SYNPR: variants seen among roughly 807,000 people sequenced by gnomAD.
SYNPR encodes synaptoporin.
Under a neutral mutation model 32.9 loss-of-function variants are expected in SYNPR, and 23 were observed. The ratio of observed to expected loss-of-function variants is 0.70; its 90% CI spans 0.50 to 0.99. The LOEUF (loss-of-function observed/expected upper bound fraction) is 0.99. Ranked by LOEUF, SYNPR falls within the 50% of genes least tolerant of loss-of-function variation. The pLI, the probability that SYNPR is intolerant of heterozygous loss-of-function variation, is 0.00. For synonymous variants in SYNPR, 146 were observed against 135.9 expected (o/e 1.07, Z -0.52); for missense variants, 318 against 349.3 (o/e 0.91, Z 0.71).
chr3:63,254,289 G>A (rs1435923310), intron 2 of SYNPR, among the ~76,000 whole-genome samples: 2 of 152,060 alleles, frequency 1.3e-5, no homozygotes, highest in African/African-American at 4.8e-5. Context: ...TGTACGTTGT[G>A]CACATGTACC....
At chr3:63,257,358 A>G (rs1360024877) in intron 2 of SYNPR, among the ~76,000 whole-genome samples, 1 of 152,254 alleles carries the variant, frequency 6.6e-6, no homozygotes, top group East Asian at 1.9e-4. Context: ...TACCAGACTA[A>G]CAGCAGATAT....
At chr3:63,426,893 A>G (rs17031729) in intron 2 of SYNPR, 1 of 152,120 alleles carries the variant, frequency 6.6e-6, no homozygotes, top group East Asian at 1.9e-4. Context: ...CAAAGAATTT[A>G]AGTTGCTTTC....
intron 5 of SYNPR, chr3:63,610,594 TCA>T: frequency 1.5e-6 from 1 of 656,374 alleles, no homozygotes; most frequent in Non-Finnish European, 2.8e-6. Context: ...CATTAGGGTC[TCA>T]CAATAATTTT....
intron 2 of SYNPR, among the ~76,000 whole-genome samples, chr3:63,381,782 T>C (rs538816887): frequency 1.3e-5 from 2 of 152,332 alleles, no homozygotes; most frequent in East Asian, 3.9e-4. Context: ...TCTGACTCCC[T>C]CTGTTTATTC....
chr3:63,274,465 T>G (rs2086559289), upstream of SYNPR, among the ~76,000 whole-genome samples: 1 of 152,218 alleles, frequency 6.6e-6, no homozygotes, highest in African/African-American at 2.4e-5. Context: ...TATTGCAGAT[T>G]GGTACTTTGG....
At chr3:63,588,202 A>G (rs1703226145) in intron 4 of SYNPR, among the ~76,000 whole-genome samples, 1 of 152,098 alleles carries the variant, frequency 6.6e-6, no homozygotes, top group South Asian at 2.1e-4. Flanking sequence ...CTTGGAATAC[A>G]CCTTCACAGA....
intron 2 of SYNPR, among the ~76,000 whole-genome samples, chr3:63,257,995 G>A (rs1317694258): frequency 6.6e-6 from 1 of 152,276 alleles, no homozygotes; most frequent in East Asian, 1.9e-4. Flanking sequence ...TAATGGTAAA[G>A]GGATCAATTC....
At chr3:63,467,927 C>T (rs747857725) in intron 2 of SYNPR, among the ~76,000 whole-genome samples, 3 of 152,068 alleles carry the variant, frequency 2.0e-5, no homozygotes, top group Non-Finnish European at 2.9e-5. Context: ...AGGCTGGGCA[C>T]GGTGGCTCAC....
At chr3:63,338,257 A>G (rs2087319313) in intron 2 of SYNPR, among the ~76,000 whole-genome samples, 1 of 152,234 alleles carries the variant, frequency 6.6e-6, no homozygotes, top group Non-Finnish European at 1.5e-5. Flanking sequence ...AACTTTGACC[A>G]CAATGGCTAA....
chr3:63,550,286 C>T (rs1702477669), intron 3 of SYNPR, among the ~76,000 whole-genome samples: 1 of 150,956 alleles, frequency 6.6e-6, no homozygotes, highest in Admixed American at 6.6e-5. Flanking sequence ...CTTATAAGAA[C>T]TTATAAAGTT....
intron 3 of SYNPR, among the ~76,000 whole-genome samples, chr3:63,511,553 C>T (rs1301696619): frequency 2.0e-5 from 3 of 152,108 alleles, no homozygotes; most frequent in African/African-American, 2.4e-5. Context: ...AGAACTAGGA[C>T]GAGCTTGTGC....
At chr3:63,273,740 A>AT (rs2086554312), upstream of SYNPR, among the ~76,000 whole-genome samples, 1 of 152,188 alleles carries the variant, frequency 6.6e-6, no homozygotes, top group Non-Finnish European at 1.5e-5. Context: ...GAATGCTAAG[A>AT]TTTTCATAAG....
intron 3 of SYNPR, among the ~76,000 whole-genome samples, chr3:63,513,290 T>C (rs953103197): frequency 6.6e-6 from 1 of 151,980 alleles, no homozygotes; most frequent in Non-Finnish European, 1.5e-5. Context: ...TGAGGGATTC[T>C]CCCACCTCAG....
intron 3 of SYNPR, among the ~76,000 whole-genome samples, chr3:63,486,397 TTA>T (rs1224434469): frequency 1.3e-5 from 2 of 152,216 alleles, no homozygotes; most frequent in African/African-American, 2.4e-5. Context: ...AAGTCATGTA[TTA>T]TACCATTTCC....
chr3:63,203,066 G>GTA, the SYNPR span, among the ~76,000 whole-genome samples: 7 of 12,450 alleles, frequency 5.6e-4, no homozygotes, highest in Admixed American at 4.4e-3. Flanking sequence ...ATATATGTAT[G>GTA]TGTATATATA....
chr3:63,569,779 A>G (rs1015188105), intron 4 of SYNPR, among the ~76,000 whole-genome samples: 6 of 152,238 alleles, frequency 3.9e-5, no homozygotes, highest in African/African-American at 1.4e-4. Context: ...CCAAAAATGG[A>G]AGAAAAAACA....
At chr3:63,495,299 C>T (rs1313002804) in intron 3 of SYNPR, among the ~76,000 whole-genome samples, 1 of 152,146 alleles carries the variant, frequency 6.6e-6, no homozygotes, top group Non-Finnish European at 1.5e-5. Context: ...TCTCCTTTCC[C>T]TGACAAGGGG....
At position 63,556,557 on chromosome 3, in the gene SYNPR, C is replaced by T. The variant is rs1168463825; in HGVS notation, c.224C>T (p.Thr75Met). 22 of 1,612,510 alleles carry T rather than the reference C, an allele frequency of 1.4e-5. No homozygotes were observed. The highest frequency in any genetic ancestry group is 5.5e-5 in the South Asian group (5 of 90,844). ...TGGCAATTTAGGTTGCACCAGGTGA[C>T]GTTTGAGGTGCCCACCTGCGAGGGA... Reference protein sequence around the residue: ...FAYPFRLHQVTFEVPTCEGKE... With the variant: ...FAYPFRLHQVMFEVPTCEGKE... Residue 75 changes from threonine to methionine, a missense_variant, in exon 4 of 6, where the codon ACG becomes ATG. Physicochemically the swap from Thr to Met is moderately conservative, Grantham distance 81 (BLOSUM62 -1). Coordinates refer to ENST00000478300, the MANE Select transcript of SYNPR (RefSeq NM_001130003.2).
At chr3:63,393,951 T>C (rs1173663925) in intron 2 of SYNPR, among the ~76,000 whole-genome samples, 9 of 152,222 alleles carry the variant, frequency 5.9e-5, no homozygotes, top group Admixed American at 5.9e-4. Context: ...CTTTTTGTTA[T>C]TGACTTGTAG....
Sources: allele counts gnomAD v4.1 joint callset (sites outside exome capture counted in the v4.1 genomes callset), GRCh38; gene constraint gnomAD v4.1.1; transcripts MANE v1.5; gene names NCBI Gene and HGNC (gene_info 2026-07-23, HGNC 2026-07-21).